The following NALCN variants were observed in gnomAD, a reference collection of about 807,000 sequenced individuals.
The protein encoded by NALCN is sodium leak channel, non-selective, also known as sodium leak channel NALCN.
In NALCN, 111 loss-of-function variants were observed where a neutral mutation model predicts 225.3. That is an observed-to-expected ratio of 0.49 (90% CI 0.42 to 0.58). The LOEUF is 0.58. NALCN is among the 20% of genes least tolerant of loss of function. The probability of loss-of-function intolerance (pLI) is 0.00; values close to 1 mark genes in which losing one functional copy is unlikely to be tolerated. For missense variants in NALCN, 1,378 were observed against 2,202.4 expected, an observed-to-expected ratio of 0.63 and a Z score of 7.49; for synonymous variants, 764 against 769.0, an observed-to-expected ratio of 0.99 and a Z score of 0.11.
intron 7 of NALCN, among the ~76,000 whole-genome samples, chr13:101,325,775 A>C (rs894644220): frequency 1.1e-4 from 16 of 152,210 alleles, no homozygotes; most frequent in Non-Finnish European, 2.4e-4. Context: ...CAAGATGGTA[A>C]GAATATGTAA....
chr13:101,252,005 A>G (rs2042076201), intron 11 of NALCN, among the ~76,000 whole-genome samples: 1 of 152,168 alleles, frequency 6.6e-6, no homozygotes, highest in South Asian at 2.1e-4. Flanking sequence ...TGTTGAGACA[A>G]ACACTGACTT....
intron 6 of NALCN, among the ~76,000 whole-genome samples, chr13:101,353,567 G>A (rs1394122919): frequency 3.3e-5 from 5 of 152,140 alleles, no homozygotes; most frequent in Admixed American, 1.3e-4. Context: ...CAATGGCTCC[G>A]CCTGGACTTT....
intron 28 of NALCN, among the ~76,000 whole-genome samples, chr13:101,093,433 C>T (rs1046213539): frequency 6.6e-6 from 1 of 152,150 alleles, no homozygotes; most frequent in African/African-American, 2.4e-5. Context: ...ATCATGGTTA[C>T]AGATGACATT....
chr13:101,176,285 C>T lies in NALCN; in HGVS notation c.1839+15G>A, dbSNP rs1281212311. ...TTTTGTCCTTTTTAAAAAAAATCCCCCACACACTACTTACTTGTTTAAGCT... is the reference window on the plus strand; with the variant it reads ...TTTTGTCCTTTTTAAAAAAAATCCCTCACACACTACTTACTTGTTTAAGCT... On this transcript the variant is annotated intron_variant, in intron 15 of 43. Coordinates refer to ENST00000251127, the MANE Select transcript of NALCN (RefSeq NM_052867.4). 6.6e-7 allele frequency: 1 copy of T among 1,514,206 alleles called. No individual in the cohort carries two copies. Among genetic ancestry groups the T allele is most frequent in the Non-Finnish European group, 8.8e-7 (1 of 1,137,188 alleles). The allele number at this position is 1,514,206 out of a possible 1,614,324, so 93.8% of individuals were successfully genotyped here.
chr13:101,149,049 T>C (rs2037498873), intron 15 of NALCN, among the ~76,000 whole-genome samples: 2 of 152,194 alleles, frequency 1.3e-5, no homozygotes, highest in East Asian at 1.9e-4. Context: ...ATCCCAGTAC[T>C]TTGGGAGGCC....
rs771656968 is a variant in NALCN at position 101,068,827 on chromosome 13, C to T, written c.4198G>A (p.Val1400Ile). The T allele has an allele frequency of 1.9e-6, 3 of 1,602,856 alleles. No homozygotes were observed. Among genetic ancestry groups the T allele is most frequent in the Admixed American group, 1.7e-5 (1 of 57,978 alleles). The part of the protein sequence containing the change: ...DWNKIMHDCM[V>I]QPPFCTPDEF... The stretch of plus-strand genomic sequence containing the variant: ...TCTGGAGTACAAAACGGAGGCTGAA[C>T]CTTTGGGGCATTGGGGTGGAAGAAG... The change falls in exon 38 of 44, where the codon GTT becomes ATT. Residue 1400 changes from valine to isoleucine, a missense_variant and splice_region_variant. Val to Ile is a conservative substitution (Grantham distance 29, BLOSUM62 3). This residue lies in a region of NALCN where 76 missense variants were observed against 118.7 expected (regional missense o/e 0.64). Transcript: ENST00000251127.
At chr13:101,180,899 T>C (rs2039185622) in intron 14 of NALCN, 4 of 372,942 alleles carry the variant, frequency 1.1e-5, no homozygotes, top group Non-Finnish European at 2.1e-5. Context: ...TCAGTCTTAT[T>C]TCTTCTCAGA....
chr13:101,224,555 A>T (rs2041064341), intron 13 of NALCN, among the ~76,000 whole-genome samples: 1 of 152,172 alleles, frequency 6.6e-6, no homozygotes, highest in Non-Finnish European at 1.5e-5. Flanking sequence ...CCTTTGCTCC[A>T]GAGTGCTGGA....
At chr13:101,354,876 T>C (rs2046004959) in intron 6 of NALCN, among the ~76,000 whole-genome samples, 2 of 152,212 alleles carry the variant, frequency 1.3e-5, no homozygotes. Context: ...ATAGTTTGGA[T>C]ATTTGTCCTT....
Position 101,229,630 on chromosome 13 carries a change from T to C in NALCN, c.1435-46A>G, listed in dbSNP as rs758070268. On this transcript the variant is annotated intron_variant, in intron 12 of 43. Coordinates refer to ENST00000251127, the MANE Select transcript of NALCN (RefSeq NM_052867.4). ...ATTTATTTACACATATGATCATTTA[T>C]TTACACTGAATCTTAAATATATTCA... 6 of 1,393,972 alleles carry C rather than the reference T, an allele frequency of 4.3e-6. No individual in the cohort carries two copies. The South Asian group carries it at 4.9e-5, about 11-fold the overall frequency. 86.4% of individuals were successfully genotyped at this position (1,393,972 alleles called of 1,614,324 possible).
intron 40 of NALCN, among the ~76,000 whole-genome samples, chr13:101,063,998 C>G (rs1229677018): frequency 1.3e-5 from 2 of 152,152 alleles, no homozygotes. Flanking sequence ...ATACAATTCT[C>G]AAATTTACTT....
At chr13:101,134,283 G>A (rs907518968) in intron 17 of NALCN, among the ~76,000 whole-genome samples, 4 of 152,162 alleles carry the variant, frequency 2.6e-5, no homozygotes, top group Non-Finnish European at 4.4e-5. Flanking sequence ...ATATAAACAT[G>A]CATGTGCACG....
Position 101,107,524 on chromosome 13 carries a change from T to C in NALCN, c.2542A>G (p.Asn848Asp), listed in dbSNP as rs545408982. ...GCTCGGACCACCACCCGGCAAAAGT[T>C]TCTGAACCTGTGTTCTCGCCCGACA... The part of the protein sequence containing the change: ...FIVGREHRFR[N>D]FCRVVVRARF... Residue 848 changes from asparagine to aspartate, a missense_variant, in exon 22 of 44, where the codon AAC (asparagine) becomes GAC (aspartate). Around this residue, in one of 19 missense-constraint regions of NALCN, gnomAD observed 292 missense variants for 409.5 expected, o/e 0.71. Transcript: ENST00000251127. 4 of 1,614,156 alleles carry C rather than the reference T, an allele frequency of 2.5e-6. No individual in the cohort carries two copies. The Admixed American group carries it at 6.7e-5, about 27-fold the overall frequency.
chr13:101,220,396 T>C (rs2040892054), intron 13 of NALCN, among the ~76,000 whole-genome samples: 1 of 152,234 alleles, frequency 6.6e-6, no homozygotes, highest in Non-Finnish European at 1.5e-5. Context: ...CTCTCCTGAA[T>C]GATTTTCTAT....
chr13:101,273,392 T>C (rs2042863419), intron 10 of NALCN, among the ~76,000 whole-genome samples: 1 of 152,192 alleles, frequency 6.6e-6, no homozygotes, highest in African/African-American at 2.4e-5. Flanking sequence ...TTATAACTTT[T>C]CACCTTTCTA....
At chr13:101,118,048 T>C (rs987323121) in intron 18 of NALCN, among the ~76,000 whole-genome samples, 6 of 152,188 alleles carry the variant, frequency 3.9e-5, no homozygotes, top group Non-Finnish European at 8.8e-5. Context: ...TATAGTACTC[T>C]AGGAGTGAAC....
At chr13:101,169,053 G>A (rs998165745) in intron 15 of NALCN, among the ~76,000 whole-genome samples, 2 of 152,142 alleles carry the variant, frequency 1.3e-5, no homozygotes, top group African/African-American at 4.8e-5. Flanking sequence ...TTTTCTGTGT[G>A]CTTCCGAAAC....
intron 7 of NALCN, among the ~76,000 whole-genome samples, chr13:101,300,880 T>C (rs1256527292): frequency 1.3e-5 from 2 of 152,228 alleles, no homozygotes; most frequent in Non-Finnish European, 2.9e-5. Context: ...AAACTTTATG[T>C]TTTTGAGCTA....
chr13:101,225,265 G>A (rs1267066854), intron 13 of NALCN, among the ~76,000 whole-genome samples: 2 of 152,136 alleles, frequency 1.3e-5, no homozygotes, highest in African/African-American at 4.8e-5. Flanking sequence ...TTATGACAAA[G>A]GCTTGTTCTT....
Sources: gnomAD v4.1 joint callset for allele counts (sites outside exome capture counted in the v4.1 genomes callset) on GRCh38, gnomAD v4.1.1 for gene constraint, gnomAD v4.1.1 regional missense constraint, MANE v1.5 for transcripts, NCBI Gene and HGNC (gene_info 2026-07-23, HGNC 2026-07-21) for gene names.